The following BAHCC1 variants were observed in gnomAD, a reference collection of about 807,000 sequenced individuals.
BAHCC1 encodes BAH and coiled-coil domain-containing protein 1.
A neutral mutation model predicts 88.2 loss-of-function variants in BAHCC1; 43 were observed. The ratio of observed to expected loss-of-function variants is 0.49; its 90% CI spans 0.38 to 0.63. The LOEUF is 0.63. Among genes scored for constraint, BAHCC1 ranks in the 20% least tolerant of loss-of-function variants. The pLI is 0.00. For missense variants in BAHCC1, 3,023 were observed against 1,654.8 expected (o/e 1.83, Z -14.34); for synonymous variants, 1,510 against 745.5 (o/e 2.03, Z -16.71).
In BAHCC1 at chr17:81,459,537, C is replaced by T. The variant is rs782525412; in HGVS notation, c.5838C>T (p.Pro1946=). Reference sequence around the variant, plus strand: ...CACAGTCCAGCCGGTACCTCCCGCCCGGCACGCGGGTCTGCGCCTACTGGA... The same window carrying T: ...CACAGTCCAGCCGGTACCTCCCGCCTGGCACGCGGGTCTGCGCCTACTGGA... ...VRPQSSRYLP[P]GTRVCAYWSQ... is the part of the protein sequence containing the mutation. Residue 1946 remains proline (P), a synonymous_variant, in exon 23 of 28, where the codon CCC becomes CCT. Transcript: ENST00000675386. 52 of 779,682 alleles carry T rather than the reference C, an allele frequency of 6.7e-5. No homozygotes were observed. The highest frequency in any genetic ancestry group is 2.5e-4 in the South Asian group (19 of 74,624). 48.3% of individuals were successfully genotyped at this position (779,682 alleles called of 1,614,324 possible).
intron 11 of BAHCC1, among the ~76,000 whole-genome samples, chr17:81,448,981 G>A (rs782106011): frequency 1.3e-5 from 2 of 152,206 alleles, no homozygotes; most frequent in Non-Finnish European, 2.9e-5. Flanking sequence ...GGGACCCGCC[G>A]TGGGAGGGTC....
In BAHCC1 at chr17:81,399,244, C is replaced by G; in HGVS notation, c.-206-290C>G. The G allele has an allele frequency of 2.5e-6, 1 of 407,066 alleles. No individual in the cohort carries two copies. Among genetic ancestry groups the G allele is most frequent in the Non-Finnish European group, 4.9e-6 (1 of 202,512 alleles). 25.2% of individuals were successfully genotyped at this position (407,066 alleles called of 1,614,324 possible). A position where few individuals can be genotyped will look rare whatever the true frequency, so the allele number is the denominator to read the frequency against. ...CCGCGGCGCCCTAGCTGCAGGGACC[C>G]GCGGGGACGAGAACGGGAGGCGGCG... On this transcript the variant is annotated intron_variant, in intron 1 of 27. Transcript: ENST00000675386. The surrounding 1 kb of genome is among the most constrained non-coding windows in gnomAD (Gnocchi z 4.5).
intron 2 of BAHCC1, among the ~76,000 whole-genome samples, chr17:81,419,383 G>A (rs966445503): frequency 5.9e-5 from 9 of 152,242 alleles, no homozygotes; most frequent in African/African-American, 1.9e-4. Context: ...TCCTCCCCGC[G>A]CTTTCCCGGA....
At chr17:81,398,613 C>CA (rs1486190567) in intron 1 of BAHCC1, among the ~76,000 whole-genome samples, 11 of 152,194 alleles carry the variant, frequency 7.2e-5, no homozygotes, top group African/African-American at 1.9e-4. Flanking sequence ...AGCACCCCCC[C>CA]CACACACACC....
At chr17:81,423,700 C>T (rs910365668) in intron 2 of BAHCC1, among the ~76,000 whole-genome samples, 5 of 152,214 alleles carry the variant, frequency 3.3e-5, no homozygotes, top group Admixed American at 1.3e-4. Flanking sequence ...AGCAGGGCCA[C>T]CGTGTGCAGA....
chr17:81,452,150 C>A (rs1555656032), intron 13 of BAHCC1, 43 bp downstream of exon 13: 2 of 233,990 alleles, frequency 8.5e-6, no homozygotes, highest in East Asian at 8.4e-5. Context: ...GTCGCAGCAC[C>A]CCCACCCCCG....
chr17:81,430,975 G>A (rs1462909110), intron 3 of BAHCC1, among the ~76,000 whole-genome samples: 2 of 151,036 alleles, frequency 1.3e-5, no homozygotes, highest in Admixed American at 1.3e-4. Flanking sequence ...GAGGGACAGC[G>A]TGGGGGTCCC....
chr17:81,411,757 A>C lies in BAHCC1; in HGVS notation c.178+11840A>C. The C allele has an allele frequency of 4.1e-6, 1 of 245,730 alleles. No individual in the cohort carries two copies. The highest frequency in any genetic ancestry group is 8.2e-6 in the Non-Finnish European group (1 of 121,528). The allele number at this position is 245,730 out of a possible 1,614,324, so 15.2% of individuals were successfully genotyped here. A position where few individuals can be genotyped will look rare whatever the true frequency, so the allele number is the denominator to read the frequency against. The stretch of plus-strand genomic sequence containing the variant: ...TAGTCCTTGAGCTCTGGGGGCCCCA[A>C]CCCAGCCTCCCTGGGTCTCTGGGCC... On this transcript the variant is annotated intron_variant, in intron 2 of 27. Coordinates refer to ENST00000675386, the MANE Select transcript of BAHCC1 (RefSeq NM_001377448.1). This position sits in a 1 kb window ranked among gnomAD's most constrained non-coding sequence, Gnocchi z 6.2.
intron 2 of BAHCC1, among the ~76,000 whole-genome samples, chr17:81,414,321 G>C (rs1446360915): frequency 6.6e-6 from 1 of 152,242 alleles, no homozygotes; most frequent in African/African-American, 2.4e-5. Context: ...GCTCAGGAGG[G>C]CGCTGGTTCT....
rs148993922 is a variant in BAHCC1, at chr17:81,435,402, C to T, written c.359-2968C>T. ...CAGGATGTGGGGACCTCGGTGCGAC[C>T]CCCACTGCCCCCAGGGCTCTTCCCC... On this transcript the variant is annotated intron_variant, in intron 3 of 27. Coordinates refer to ENST00000675386, the MANE Select transcript of BAHCC1 (RefSeq NM_001377448.1). The surrounding 1 kb of genome is among the most constrained non-coding windows in gnomAD (Gnocchi z 4.4). 563 of 467,566 alleles carry T rather than the reference C, an allele frequency of 1.2e-3. 4 individuals carry two copies. Among genetic ancestry groups the T allele is most frequent in the African/African-American group, 0.011 (535 of 50,156 alleles). 29.0% of individuals were successfully genotyped at this position (467,566 alleles called of 1,614,324 possible).
intron 2 of BAHCC1, among the ~76,000 whole-genome samples, chr17:81,400,931 A>G (rs2063808117): frequency 6.6e-6 from 1 of 152,242 alleles, no homozygotes; most frequent in Non-Finnish European, 1.5e-5. Context: ...GGGCTGCGCT[A>G]GGGACCCGCC....
Position 81,399,922 on chromosome 17 carries a change from G to T in BAHCC1, c.178+5G>T. ...TGCCCATGGCTTCGCACACAGGTCA[G>T]TGCTCGGCCGGGGCGGGCGCGGGAC... On this transcript the variant is annotated splice_donor_5th_base_variant and intron_variant, in intron 2 of 27. Transcript: ENST00000675386. The surrounding 1 kb of genome is among the most constrained non-coding windows in gnomAD (Gnocchi z 4.5). 1 of 1,375,868 alleles carries T rather than the reference G, an allele frequency of 7.3e-7. No homozygotes were observed. Among genetic ancestry groups the T allele is most frequent in the Non-Finnish European group, 9.4e-7 (1 of 1,062,420 alleles). 85.2% of individuals were successfully genotyped at this position (1,375,868 alleles called of 1,614,324 possible).
chr17:81,421,864 G>A (rs563788760), intron 2 of BAHCC1: 26 of 317,994 alleles, frequency 8.2e-5, no homozygotes, highest in South Asian at 4.3e-4. Flanking sequence ...GGCTCAGTAC[G>A]CAGGATGCCT....
intron 11 of BAHCC1, among the ~76,000 whole-genome samples, chr17:81,450,941 C>T (rs566621939): frequency 2.6e-5 from 4 of 152,294 alleles, no homozygotes; most frequent in South Asian, 2.1e-4. Flanking sequence ...TTGTCCCCTC[C>T]CTCTGCACTG....
At chr17:81,423,082 C>A (rs146103179) in intron 2 of BAHCC1, among the ~76,000 whole-genome samples, 1,988 of 152,324 alleles carry the variant, frequency 0.013, 18 homozygotes, top group Non-Finnish European at 0.021. Flanking sequence ...ACCTTCACCC[C>A]CTGCCCTGGG....
chr17:81,417,511 CAG>C (rs1358147346), intron 2 of BAHCC1, among the ~76,000 whole-genome samples: 4 of 150,208 alleles, frequency 2.7e-5, no homozygotes, highest in African/African-American at 7.5e-5. Context: ...ACAGAGCTCT[CAG>C]GGGAGGGAGA....
chr17:81,458,937 G>A lies in BAHCC1; in HGVS notation c.5573G>A (p.Gly1858Asp). 1 of 759,956 alleles carries A rather than the reference G, an allele frequency of 1.3e-6. No individual in the cohort carries two copies. Among genetic ancestry groups the A allele is most frequent in the Non-Finnish European group, 2.5e-6 (1 of 406,662 alleles). The allele number at this position is 759,956 out of a possible 1,614,324, so 47.1% of individuals were successfully genotyped here. A position where few individuals can be genotyped will look rare whatever the true frequency, so the allele number is the denominator to read the frequency against. Residue 1858 changes from glycine to aspartate, a missense_variant, in exon 20 of 28, where the codon GGC becomes GAC. Coordinates refer to ENST00000675386, the MANE Select transcript of BAHCC1 (RefSeq NM_001377448.1). ...EDEEEEEEDS[G>D]PLSAEQSAAL... The stretch of plus-strand genomic sequence containing the variant: ...GAGGAGGAAGAGGAGGAGGACAGCG[G>A]CCCTCTGAGCGCAGAGCAGAGCGCC...
At chr17:81,418,810 C>CGTGTGTGTGTGTGT (rs70938163) in intron 2 of BAHCC1, among the ~76,000 whole-genome samples, 6,037 of 146,280 alleles carry the variant, frequency 0.041, 162 homozygotes, top group Non-Finnish European at 0.058. Flanking sequence ...TGTGTGTGTA[C>CGTGTGTGTGTGTGT]GTGTGTGTGT....
intron 2 of BAHCC1, 100 bp downstream of exon 2, chr17:81,400,017 T>G: frequency 3.1e-5 from 31 of 1,006,592 alleles, no homozygotes; most frequent in East Asian, 7.9e-5. Flanking sequence ...TTGGTTTCAT[T>G]TCCCGGCCCC....
Sources: allele counts gnomAD v4.1 joint callset (sites outside exome capture counted in the v4.1 genomes callset), GRCh38; gene constraint gnomAD v4.1.1; non-coding constraint Gnocchi (gnomAD v3.1); transcripts MANE v1.5; gene names NCBI Gene and HGNC (gene_info 2026-07-23, HGNC 2026-07-21).